CACNA1B: variants seen among roughly 807,000 people sequenced by gnomAD.
CACNA1B encodes voltage-dependent N-type calcium channel subunit alpha-1B.
In CACNA1B, 70 loss-of-function variants were observed where a neutral mutation model predicts 247.2. That is an observed-to-expected ratio of 0.28 (90% CI 0.23 to 0.35). The LOEUF (loss-of-function observed/expected upper bound fraction) is 0.35. Among genes scored for constraint, CACNA1B ranks in the 10% least tolerant of loss-of-function variants. CACNA1B has a pLI of 1.00. For synonymous variants in CACNA1B, 1,231 were observed against 1,294.4 expected, an observed-to-expected ratio of 0.95 and a Z score of 1.05; for missense variants, 2,367 against 3,197.4, an observed-to-expected ratio of 0.74 and a Z score of 6.26.
chr9:138,036,740 C>T (rs953986652), intron 20 of CACNA1B, among the ~76,000 whole-genome samples: 2 of 152,128 alleles, frequency 1.3e-5, no homozygotes, highest in East Asian at 3.9e-4. Flanking sequence ...GGAGAAAATG[C>T]GGTGAACTCC....
chr9:138,044,547 C>T (rs1051751506), intron 21 of CACNA1B, among the ~76,000 whole-genome samples: 8 of 152,208 alleles, frequency 5.3e-5, no homozygotes, highest in South Asian at 2.1e-4. Context: ...CATGGAGATG[C>T]GGACCATTGG....
chr9:138,103,933 C>T (rs1468277809), intron 38 of CACNA1B, among the ~76,000 whole-genome samples: 1 of 152,250 alleles, frequency 6.6e-6, no homozygotes, highest in African/African-American at 2.4e-5. Context: ...CCCTGCCCTG[C>T]CCCTGCATTG....
At chr9:137,911,662 A>G (rs1957361767) in intron 3 of CACNA1B, among the ~76,000 whole-genome samples, 1 of 152,154 alleles carries the variant, frequency 6.6e-6, no homozygotes, top group South Asian at 2.1e-4. Context: ...CAGGGGATCC[A>G]CCTGCCTTGG....
intron 36 of CACNA1B, among the ~76,000 whole-genome samples, chr9:138,095,435 A>T (rs1961023350): frequency 3.9e-5 from 6 of 152,262 alleles, no homozygotes; most frequent in Admixed American, 3.3e-4. Context: ...CATGACAGCT[A>T]TAACAATAAT....
At chr9:138,026,421 A>G (rs1480645871) in intron 20 of CACNA1B, among the ~76,000 whole-genome samples, 1 of 152,106 alleles carries the variant, frequency 6.6e-6, no homozygotes, top group East Asian at 1.9e-4. Context: ...ACTCCTCCCC[A>G]GGCTCCCTAT....
At position 137,986,615 on chromosome 9, in the gene CACNA1B, C is replaced by A; in HGVS notation, c.1901+71C>A. 1 of 1,573,892 alleles carries A rather than the reference C, an allele frequency of 6.4e-7. No homozygotes were observed. The highest frequency in any genetic ancestry group is 8.7e-7 in the Non-Finnish European group (1 of 1,147,198). On this transcript the variant is annotated intron_variant, in intron 14 of 46. Transcript: ENST00000371372. The surrounding 1 kb of genome is among the most constrained non-coding windows in gnomAD (Gnocchi z 6.0). The stretch of plus-strand genomic sequence containing the variant: ...GAAGCAGAGCTCAGAGCAGACGGTG[C>A]CGCCCAGGCTGCCTCCACCCACCTT...
In CACNA1B at chr9:138,012,584, C is replaced by G. The variant is rs561194269; in HGVS notation, c.2161-545C>G. Among the ~76,000 whole-genome samples, 2 of 151,880 alleles carry G rather than the reference C, an allele frequency of 1.3e-5. No individual in the cohort carries two copies. The highest frequency in any genetic ancestry group is 3.9e-4 in the East Asian group (2 of 5,160). On this transcript the variant is annotated intron_variant, in intron 17 of 46. Transcript: ENST00000371372. The surrounding 1 kb of genome is among the most constrained non-coding windows in gnomAD (Gnocchi z 4.2). ...AAAAATTTAGCCAGTCGTGATGACACGTGCTTGGAGTCCCAGCTGCATGGG... is the reference window on the plus strand; with the variant it reads ...AAAAATTTAGCCAGTCGTGATGACAGGTGCTTGGAGTCCCAGCTGCATGGG...
intron 19 of CACNA1B, 66 bp downstream of exon 19, chr9:138,023,877 T>TGGCTGCGGC: frequency 1.2e-6 from 1 of 800,822 alleles, no homozygotes; most frequent in South Asian, 1.5e-5. Context: ...GCCCCAGCGG[T>TGGCTGCGGC]GGCTGCGGCC....
At chr9:137,934,715 A>G (rs1457198073) in intron 6 of CACNA1B, among the ~76,000 whole-genome samples, 2 of 152,220 alleles carry the variant, frequency 1.3e-5, no homozygotes, top group Admixed American at 6.5e-5. Flanking sequence ...CTAGATCCAG[A>G]AGAGAGACAA....
chr9:138,090,268 G>A (rs1455171669), intron 36 of CACNA1B, among the ~76,000 whole-genome samples: 1 of 152,094 alleles, frequency 6.6e-6, no homozygotes, highest in African/African-American at 2.4e-5. Flanking sequence ...ACAGCCAACT[G>A]ATTTTTAACA....
At chr9:137,992,391 A>G (rs894962155) in intron 15 of CACNA1B, among the ~76,000 whole-genome samples, 1 of 152,362 alleles carries the variant, frequency 6.6e-6, no homozygotes, top group African/African-American at 2.4e-5. Flanking sequence ...AAAATATCAT[A>G]ATCCTAAATG....
In CACNA1B at chr9:138,002,115, C is replaced by T. The variant is rs145122024; in HGVS notation, c.1975-4652C>T. 3.4e-3 allele frequency among the ~76,000 whole-genome samples: 520 copies of T among 152,236 alleles called. 3 individuals carry two copies. The highest frequency in any genetic ancestry group is 5.6e-3 in the Non-Finnish European group (380 of 68,022). ...AGAAGAAATTTGTCCTACCATATAT[C>T]ATGACTTTTTATAAAGCTATGGTAA... On this transcript the variant is annotated intron_variant, in intron 15 of 46. Coordinates refer to ENST00000371372, the MANE Select transcript of CACNA1B (RefSeq NM_000718.4).
intron 15 of CACNA1B, among the ~76,000 whole-genome samples, chr9:137,992,432 T>A (rs9969860): frequency 0.011 from 1,688 of 152,268 alleles, 10 homozygotes; most frequent in African/African-American, 0.014. Flanking sequence ...GCTCTGAAAT[T>A]TATAAAACAA....
At position 138,023,321 on chromosome 9, in the gene CACNA1B, A is replaced by G. The variant is rs932569763; in HGVS notation, c.2578A>G (p.Thr860Ala). ...RHHRHRDKDKTPAAGDQDRAE... is the reference protein window; with the variant it reads ...RHHRHRDKDKAPAAGDQDRAE... The stretch of plus-strand genomic sequence containing the variant: ...CCACCGGCACCGCGACAAGGACAAG[A>G]CCCCCGCGGCGGGGGACCAGGACCG... The change falls in exon 19 of 47, where the codon ACC becomes GCC. Residue 860 changes from threonine (T) to alanine (A), a missense_variant. Thr to Ala is a moderately conservative substitution (Grantham distance 58). Around this residue, in one of 12 missense-constraint regions of CACNA1B, gnomAD observed 631 missense variants for 631.1 expected, o/e 1.00. Transcript: ENST00000371372. The G allele has an allele frequency of 2.0e-6, 3 of 1,464,336 alleles. No homozygotes were observed. Among genetic ancestry groups the G allele is most frequent in the Non-Finnish European group, 2.7e-6 (3 of 1,108,920 alleles). The allele number at this position is 1,464,336 out of a possible 1,614,324, so 90.7% of individuals were successfully genotyped here.
rs1333454659 is a variant in CACNA1B, at chr9:137,950,356, G to A, written c.967-1918G>A. Among the ~76,000 whole-genome samples, 1 of 152,232 alleles carries A rather than the reference G, an allele frequency of 6.6e-6. No individual in the cohort carries two copies. Among genetic ancestry groups the A allele is most frequent in the Non-Finnish European group, 1.5e-5 (1 of 68,034 alleles). ...CTTCTGATAGCTCCCTAGCTGCAGG[G>A]GGTGCCCCTACTGCCTGTGTAAATG... On this transcript the variant is annotated intron_variant, in intron 6 of 46. Transcript: ENST00000371372. The surrounding 1 kb of genome is among the most constrained non-coding windows in gnomAD (Gnocchi z 4.8).
At chr9:137,945,636 C>T (rs558943901) in intron 6 of CACNA1B, among the ~76,000 whole-genome samples, 5 of 152,298 alleles carry the variant, frequency 3.3e-5, no homozygotes, top group African/African-American at 9.6e-5. Flanking sequence ...TTTCATAAGC[C>T]TACAACTTGT....
At chr9:137,918,819 G>T (rs1957446289) in intron 6 of CACNA1B, among the ~76,000 whole-genome samples, 1 of 152,242 alleles carries the variant, frequency 6.6e-6, no homozygotes, top group Non-Finnish European at 1.5e-5. Flanking sequence ...GGAAAAGCCA[G>T]CACAGGGTCC....
chr9:137,959,322 C>T (rs1177947480), intron 10 of CACNA1B, among the ~76,000 whole-genome samples: 2 of 152,214 alleles, frequency 1.3e-5, no homozygotes, highest in Admixed American at 1.3e-4. Context: ...ATCTACCCAC[C>T]TTGGCCTCCC....
intron 18 of CACNA1B, among the ~76,000 whole-genome samples, chr9:138,021,441 G>A (rs542275570): frequency 6.6e-6 from 1 of 152,354 alleles, no homozygotes; most frequent in South Asian, 2.1e-4. Context: ...AGGATTTATT[G>A]TTCACCTGCC....
Sources: allele counts gnomAD v4.1 joint callset (sites outside exome capture counted in the v4.1 genomes callset), GRCh38; gene constraint gnomAD v4.1.1; regional missense constraint gnomAD v4.1.1; non-coding constraint Gnocchi (gnomAD v3.1); transcripts MANE v1.5; gene names NCBI Gene and HGNC (gene_info 2026-07-23, HGNC 2026-07-21).